The following GPC3 variants were observed in gnomAD, a reference collection of about 807,000 sequenced individuals.
GPC3 encodes glypican 3, also known as glypican-3.
Under a neutral mutation model 34.4 loss-of-function variants are expected in GPC3, and 3 were observed. The observed-to-expected ratio is 0.09, with a 90% CI of 0.04 to 0.23. The LOEUF is 0.23. GPC3 is among the 10% of genes least tolerant of loss of function. The pLI is 1.00. For missense variants in GPC3, 351 were observed against 445.6 expected (o/e 0.79, Z 1.91); for synonymous variants, 177 against 174.0 (o/e 1.02, Z -0.13).
At chrX:133,711,492 G>A (rs757854235) in intron 3 of GPC3, among the ~76,000 whole-genome samples, 3 of 110,990 alleles carry the variant, frequency 2.7e-5, no homozygotes, top group Admixed American at 9.6e-5. Flanking sequence ...GCCCTTCAGG[G>A]GGTTCTGATG....
intron 7 of GPC3, among the ~76,000 whole-genome samples, chrX:133,539,701 G>C (rs993643822): frequency 8.9e-6 from 1 of 112,107 alleles, no homozygotes; most frequent in Non-Finnish European, 1.9e-5. Context: ...GTTTCCTGAG[G>C]CTCTTCATTC....
chrX:133,984,075 G>A (rs1217456492), intron 1 of GPC3, among the ~76,000 whole-genome samples: 1 of 113,059 alleles, frequency 8.8e-6, no homozygotes, highest in African/African-American at 3.2e-5. Context: ...GTGCGCATCC[G>A]CATTCACAAC....
chrX:133,846,305 T>A (rs929285796), intron 2 of GPC3, among the ~76,000 whole-genome samples: 2 of 111,989 alleles, frequency 1.8e-5, no homozygotes, highest in Admixed American at 1.9e-4. Flanking sequence ...CTGACACATA[T>A]GGAAATAATC....
chrX:133,914,944 AATATATAT>A lies in GPC3; in HGVS notation c.337+38098_337+38105del, dbSNP rs35086661. 9.1e-3 allele frequency among the ~76,000 whole-genome samples: 456 copies of A among 49,941 alleles called. 10 individuals are homozygous for A. The highest frequency in any genetic ancestry group is 0.025 in the African/African-American group (254 of 10,046). 43.4% of individuals were successfully genotyped at this position (49,941 alleles called of 115,157 possible). A position where few individuals can be genotyped will look rare whatever the true frequency, so the allele number is the denominator to read the frequency against. On this transcript the variant is annotated intron_variant, in intron 2 of 7. Transcript: ENST00000370818. ...TTATGTATTTTTTCATCAAACTGGA[AATATATAT>A]ATATATATATATATATATATATATA...
In GPC3 at chrX:133,640,361, G is replaced by C. The variant is rs779107274; in HGVS notation, c.1413+21369C>G. The stretch of plus-strand genomic sequence containing the variant: ...CCAGCTGTCTCAGTGTGGAGGAAAG[G>C]GAGGCTTTTCCCCCTCCCCTGCATT... On this transcript the variant is annotated intron_variant, in intron 6 of 7. Coordinates refer to ENST00000370818, the MANE Select transcript of GPC3 (RefSeq NM_004484.4). Among the ~76,000 whole-genome samples the C allele has an allele frequency of 1.3e-4, 14 of 111,803 alleles. 1 individual carries two copies. The Middle Eastern group carries it at 0.023, about 187-fold the overall frequency.
At chrX:133,799,767 C>G (rs1442587485) in intron 2 of GPC3, among the ~76,000 whole-genome samples, 1 of 111,635 alleles carries the variant, frequency 9.0e-6, no homozygotes, top group Non-Finnish European at 1.9e-5. Context: ...GATTGTGACT[C>G]TCATTCTTCT....
At position 133,716,394 on chromosome X, in the gene GPC3, A is replaced by G. The variant is rs757141355; in HGVS notation, c.1033-16366T>C. The stretch of plus-strand genomic sequence containing the variant: ...TAAACTAGCCATTTTAAATATGTTC[A>G]GACACTTAAAGGAAACAATGCCTAA... On this transcript the variant is annotated intron_variant, in intron 3 of 7. Transcript: ENST00000370818. Among the ~76,000 whole-genome samples, 4 of 112,384 alleles carry G rather than the reference A, an allele frequency of 3.6e-5. No homozygotes were observed. In the East Asian group the frequency reaches 1.1e-3, roughly 31 times the overall value.
chrX:133,933,875 T>G (rs1245078383), intron 2 of GPC3, among the ~76,000 whole-genome samples: 30 of 103,617 alleles, frequency 2.9e-4, no homozygotes, highest in Non-Finnish European at 5.2e-4. Flanking sequence ...TTTGTTTTTT[T>G]TTTTTTTGAG....
chrX:133,869,034 T>C (rs1158971716), intron 2 of GPC3, among the ~76,000 whole-genome samples: 1 of 112,168 alleles, frequency 8.9e-6, no homozygotes, highest in Non-Finnish European at 1.9e-5. Context: ...AGATTTTCAG[T>C]GGAATGAAGA....
At chrX:133,878,280 A>G (rs1209375402) in intron 2 of GPC3, among the ~76,000 whole-genome samples, 1 of 111,106 alleles carries the variant, frequency 9.0e-6, no homozygotes, top group African/African-American at 3.3e-5. Flanking sequence ...TACAAAAATT[A>G]GCCAGGCATG....
chrX:133,902,778 C>T (rs2124600492), intron 2 of GPC3, among the ~76,000 whole-genome samples: 1 of 111,713 alleles, frequency 9.0e-6, no homozygotes, highest in African/African-American at 3.2e-5. Flanking sequence ...AAGAAACTAT[C>T]CATGATTCTA....
intron 2 of GPC3, among the ~76,000 whole-genome samples, chrX:133,857,366 A>G (rs1374126764): frequency 8.9e-6 from 1 of 112,581 alleles, no homozygotes; most frequent in Non-Finnish European, 1.9e-5. Context: ...GAACTATTTT[A>G]AAATTATTGT....
chrX:133,710,891 C>T (rs2071260066), intron 3 of GPC3, among the ~76,000 whole-genome samples: 1 of 112,274 alleles, frequency 8.9e-6, no homozygotes, highest in African/African-American at 3.2e-5. Context: ...TTACCAATCC[C>T]TTTGCAGCAC....
At chrX:133,788,110 ATATATATATATATG>A (rs1371360639) in intron 2 of GPC3, among the ~76,000 whole-genome samples, 1 of 89,065 alleles carries the variant, frequency 1.1e-5, no homozygotes, top group African/African-American at 4.9e-5. Flanking sequence ...ATATATATAT[ATATATATATATATG>A]TATGTATATA....
At chrX:133,777,688 A>C (rs2072001534) in intron 2 of GPC3, among the ~76,000 whole-genome samples, 1 of 112,063 alleles carries the variant, frequency 8.9e-6, no homozygotes, top group African/African-American at 3.2e-5. Flanking sequence ...CAAACCTGTT[A>C]TGTCAGAATC....
At chrX:133,613,446 T>C (rs1352339657) in intron 6 of GPC3, among the ~76,000 whole-genome samples, 4 of 112,121 alleles carry the variant, frequency 3.6e-5, no homozygotes, top group Non-Finnish European at 7.5e-5. Context: ...GAGGGATACA[T>C]AAAATATACA....
At chrX:133,797,375 T>G (rs1419199898) in intron 2 of GPC3, among the ~76,000 whole-genome samples, 1 of 111,418 alleles carries the variant, frequency 9.0e-6, no homozygotes, top group African/African-American at 3.3e-5. Context: ...TCTGCCATAT[T>G]TATTACATGC....
At chrX:133,602,566 T>G (rs775391312) in intron 6 of GPC3, among the ~76,000 whole-genome samples, 2 of 111,924 alleles carry the variant, frequency 1.8e-5, no homozygotes, top group Admixed American at 1.9e-4. Context: ...CAAAATTGTC[T>G]TCTACAAAAC....
chrX:133,700,284 C>T lies in GPC3; in HGVS notation c.1033-256G>A, dbSNP rs7050708. On this transcript the variant is annotated intron_variant, in intron 3 of 7. Transcript: ENST00000370818. ...AAGATAAAAAATGGCTTTTTTTCTA[C>T]AGTGAAGTATACATTTGAGAGGACT... is the stretch of plus-strand genomic sequence containing the variant. 0.068 allele frequency among the ~76,000 whole-genome samples: 7,519 copies of T among 111,322 alleles called. 655 individuals carry two copies. Among genetic ancestry groups the T allele is most frequent in the African/African-American group, 0.23 (7,047 of 30,468 alleles).
Sources: gnomAD v4.1 joint callset for allele counts (sites outside exome capture counted in the v4.1 genomes callset) on GRCh38, gnomAD v4.1.1 for gene constraint, MANE v1.5 for transcripts, NCBI Gene and HGNC (gene_info 2026-07-23, HGNC 2026-07-21) for gene names.